The following CFAP57 variants were observed in gnomAD, a reference collection of about 807,000 sequenced individuals.
The protein encoded by CFAP57 is cilia and flagella associated protein 57, also known as cilia- and flagella-associated protein 57.
Under a neutral mutation model 146.8 loss-of-function variants are expected in CFAP57, and 116 were observed. The observed-to-expected ratio is 0.79, with a 90% confidence interval of 0.68 to 0.92. CFAP57 has a LOEUF of 0.92. Ranked by LOEUF, CFAP57 falls within the 40% of genes least tolerant of loss-of-function variation. The pLI is 0.00. For missense variants in CFAP57, 1,377 were observed against 1,527.2 expected, an observed-to-expected ratio of 0.90 and a Z score of 1.64; for synonymous variants, 518 against 552.8, an observed-to-expected ratio of 0.94 and a Z score of 0.88.
chr1:43,185,219 A>G lies in CFAP57; in HGVS notation c.832A>G (p.Ser278Gly). ...ACAGATGGTGGCGGCCAGTAGCCAT[A>G]GCCAGATGTCCATGCCCCAGGTGTT... Reference protein sequence around the residue: ...YEQMVAASSHSQMSMPQVFAI... With the variant: ...YEQMVAASSHGQMSMPQVFAI... Residue 278 changes from serine (S) to glycine (G), a missense_variant, in exon 5 of 23, where the codon AGC becomes GGC. Coordinates refer to ENST00000372492, the MANE Select transcript of CFAP57 (RefSeq NM_001378189.1). 6.2e-7 allele frequency: 1 copy of G among 1,614,210 alleles called. No homozygotes were observed. Among genetic ancestry groups the G allele is most frequent in the Non-Finnish European group, 8.5e-7 (1 of 1,180,048 alleles).
Position 43,222,145 on chromosome 1 carries a change from G to A in CFAP57, c.2382G>A (p.Lys794=), listed in dbSNP as rs1570204372. ...NNQKLLLEYE[K]YQELQLKSQR... ...AAAAGTTGCTTCTAGAATATGAGAAGTACCAGGAGCTGCAGCTCAAGTCCC... is the reference window on the plus strand; with the variant it reads ...AAAAGTTGCTTCTAGAATATGAGAAATACCAGGAGCTGCAGCTCAAGTCCC... Residue 794 remains lysine, a synonymous_variant, in exon 15 of 23, where the codon AAG becomes AAA. Transcript: ENST00000372492. The A allele has an allele frequency of 6.5e-7, 1 of 1,548,526 alleles. No homozygotes were observed. The highest frequency in any genetic ancestry group is 2.5e-5 in the East Asian group (1 of 40,794).
At chr1:43,232,385 G>A in intron 18 of CFAP57, 123 bp from the exon 19 acceptor site, 1 of 735,404 alleles carries the variant, frequency 1.4e-6, no homozygotes, top group Non-Finnish European at 2.3e-6. Flanking sequence ...GACACAGAAG[G>A]GGATGAGAAA....
chr1:43,231,476 T>G (rs781110530), intron 18 of CFAP57, among the ~76,000 whole-genome samples: 3 of 152,212 alleles, frequency 2.0e-5, no homozygotes, highest in Non-Finnish European at 4.4e-5. Flanking sequence ...TGAAAGCTCA[T>G]GCACAGCTAG....
chr1:43,236,579 A>G (rs1247734480), intron 21 of CFAP57, among the ~76,000 whole-genome samples: 2 of 134,444 alleles, frequency 1.5e-5, no homozygotes, highest in Admixed American at 7.9e-5. Flanking sequence ...GGCCTGGTAC[A>G]GAATAAGTGC....
intron 22 of CFAP57, among the ~76,000 whole-genome samples, chr1:43,248,138 C>CAAAAA (rs35277187): frequency 1.8e-5 from 1 of 54,802 alleles, no homozygotes; most frequent in Non-Finnish European, 3.3e-5. Context: ...GACTCTGTCT[C>CAAAAA]AAAAAAAAAA....
At chr1:43,198,434 G>A (rs1643958616) in intron 7 of CFAP57, 47 bp from the exon 8 acceptor site, 5 of 1,594,770 alleles carry the variant, frequency 3.1e-6, no homozygotes, top group Non-Finnish European at 4.3e-6. Flanking sequence ...TGACTGGAAG[G>A]ATTTAGTGAG....
At chr1:43,200,473 G>A (rs951171161) in intron 9 of CFAP57, among the ~76,000 whole-genome samples, 1 of 145,532 alleles carries the variant, frequency 6.9e-6, no homozygotes, top group South Asian at 2.2e-4. Context: ...GGTGACAAGA[G>A]TAAGACCCTG....
chr1:43,198,509 G>T lies in CFAP57; in HGVS notation c.1291G>T (p.Glu431Ter). ...NTLELFKEYQ[E>*]EAYSISLHPS... is the part of the protein sequence containing the mutation. ...CCTGGAACTATTTAAGGAATACCAA[G>T]AAGAGGCATATTCCATCAGCCTTCA... The change falls in exon 8 of 23, where the codon GAA (glutamate) becomes TAA (stop). Residue 431 changes from glutamate (E) to a stop codon, truncating the protein, a stop_gained. Transcript: ENST00000372492. LOFTEE classifies it high-confidence loss of function. The T allele has an allele frequency of 6.2e-7, 1 of 1,614,108 alleles. No homozygotes were observed. The highest frequency in any genetic ancestry group is 8.5e-7 in the Non-Finnish European group (1 of 1,180,020).
chr1:43,206,404 T>C (rs182990178), intron 9 of CFAP57: 1 of 306,248 alleles, frequency 3.3e-6, no homozygotes, highest in East Asian at 6.0e-5. Flanking sequence ...TGTGAATACA[T>C]AATTATTTCA....
Position 43,206,894 on chromosome 1 carries a change from G to A in CFAP57, c.1717G>A (p.Gly573Arg). 1 of 1,614,096 alleles carries A rather than the reference G, an allele frequency of 6.2e-7. No individual in the cohort carries two copies. Among genetic ancestry groups the A allele is most frequent in the Middle Eastern group, 1.7e-4 (1 of 6,038 alleles). The change falls in exon 10 of 23, where the codon GGA (glycine) becomes AGA (arginine). Residue 573 changes from glycine to arginine, a missense_variant. Coordinates refer to ENST00000372492, the MANE Select transcript of CFAP57 (RefSeq NM_001378189.1). The stretch of plus-strand genomic sequence containing the variant: ...CGATGCCAAAATTATCTTTGCTGTT[G>A]GATCAGACCACACCCTCAAGGAGAT... Reference protein sequence around the residue: ...SPDAKIIFAVGSDHTLKEIAD... With the variant: ...SPDAKIIFAVRSDHTLKEIAD...
intron 4 of CFAP57, among the ~76,000 whole-genome samples, chr1:43,184,320 C>T (rs1395614299): frequency 1.3e-5 from 2 of 152,088 alleles, no homozygotes; most frequent in Non-Finnish European, 2.9e-5. Context: ...GTAAATCTGA[C>T]AGAGGATAGG....
At chr1:43,175,483 C>G (rs1235359544) in intron 2 of CFAP57, among the ~76,000 whole-genome samples, 1 of 142,960 alleles carries the variant, frequency 7.0e-6, no homozygotes, top group East Asian at 1.9e-4. Flanking sequence ...TCAACTCCAT[C>G]CTTCCAGTTT....
At chr1:43,237,439 C>T (rs1645747157) in intron 21 of CFAP57, among the ~76,000 whole-genome samples, 3 of 152,284 alleles carry the variant, frequency 2.0e-5, no homozygotes, top group South Asian at 2.1e-4. Flanking sequence ...CCAAGATGAA[C>T]GTGATAGTGT....
chr1:43,221,241 A>AGG (rs1645033374), intron 13 of CFAP57, 131 bp from the exon 14 acceptor site: 4 of 562,012 alleles, frequency 7.1e-6, no homozygotes, highest in African/African-American at 3.8e-5. Context: ...TTCATAGAAC[A>AGG]GTGCTTGGTG....
chr1:43,233,276 G>C (rs997181867), intron 19 of CFAP57, among the ~76,000 whole-genome samples: 6 of 152,174 alleles, frequency 3.9e-5, no homozygotes, highest in Non-Finnish European at 7.4e-5. Flanking sequence ...GGATCACGAG[G>C]TCAGGAGTTC....
chr1:43,249,554 C>T (rs1435572587), intron 22 of CFAP57, among the ~76,000 whole-genome samples: 32 of 148,370 alleles, frequency 2.2e-4, no homozygotes, highest in African/African-American at 4.7e-4. Context: ...CTCAGCCTCC[C>T]GAGTAGCTGG....
intron 7 of CFAP57, 78 bp downstream of exon 7, chr1:43,197,770 G>T: frequency 6.4e-7 from 1 of 1,570,586 alleles, no homozygotes; most frequent in Non-Finnish European, 8.7e-7. Flanking sequence ...TAATTACAGT[G>T]TTCCAAACTT....
chr1:43,187,087 A>G (rs41269533), intron 6 of CFAP57, among the ~76,000 whole-genome samples: 66 of 152,326 alleles, frequency 4.3e-4, no homozygotes, highest in Non-Finnish European at 7.6e-4. Context: ...ACGTATTGGC[A>G]TTGTCCATCA....
chr1:43,243,488 C>G, intron 22 of CFAP57, 129 bp downstream of exon 22: 1 of 991,122 alleles, frequency 1.0e-6, no homozygotes. Context: ...GGATCCTGTC[C>G]GGGGCACACA....
Sources: gnomAD v4.1 joint callset for allele counts (sites outside exome capture counted in the v4.1 genomes callset) on GRCh38, gnomAD v4.1.1 for gene constraint, MANE v1.5 for transcripts, NCBI Gene and HGNC (gene_info 2026-07-23, HGNC 2026-07-21) for gene names.